Variants in SMURF1 observed in about 807,000 individuals in gnomAD.
The protein encoded by SMURF1 is E3 ubiquitin-protein ligase SMURF1.
A neutral mutation model predicts 98.0 loss-of-function variants in SMURF1; 44 were observed. That is an observed-to-expected ratio of 0.45 (90% CI 0.35 to 0.58). SMURF1 has a LOEUF of 0.58. Among genes scored for constraint, SMURF1 ranks in the 20% least tolerant of loss-of-function variants. The pLI, the probability that SMURF1 is intolerant of heterozygous loss-of-function variation, is 0.00. For synonymous variants in SMURF1, 396 were observed against 374.9 expected (o/e 1.06, Z -0.65); for missense variants, 687 against 938.4 (o/e 0.73, Z 3.50).
intron 1 of SMURF1, among the ~76,000 whole-genome samples, chr7:99,114,384 C>T (rs1483989600): frequency 2.6e-5 from 4 of 151,978 alleles, no homozygotes; most frequent in Non-Finnish European, 5.9e-5. Flanking sequence ...ATAAAACAGA[C>T]TTTAAGACAA....
intron 1 of SMURF1, among the ~76,000 whole-genome samples, chr7:99,097,012 A>G (rs1210166554): frequency 6.6e-6 from 1 of 152,200 alleles, no homozygotes; most frequent in Non-Finnish European, 1.5e-5. Context: ...GATAGTAGAC[A>G]TCACACTTCT....
At chr7:99,140,726 T>C (rs1168988729) in intron 1 of SMURF1, among the ~76,000 whole-genome samples, 1 of 152,136 alleles carries the variant, frequency 6.6e-6, no homozygotes, top group African/African-American at 2.4e-5. Context: ...ATCTTCACTA[T>C]CTTTGCACTG....
chr7:99,116,786 C>T (rs868290603), intron 1 of SMURF1, among the ~76,000 whole-genome samples: 4 of 152,170 alleles, frequency 2.6e-5, no homozygotes, highest in South Asian at 2.1e-4. Flanking sequence ...AATTAACCTA[C>T]AGATTCAAAG....
intron 1 of SMURF1, among the ~76,000 whole-genome samples, chr7:99,092,945 C>T (rs1347150538): frequency 2.6e-5 from 4 of 152,104 alleles, no homozygotes; most frequent in Admixed American, 2.6e-4. Flanking sequence ...ATAGAACACA[C>T]CTACTGAGAA....
At chr7:99,143,483 C>T (rs1675971848) in intron 1 of SMURF1, among the ~76,000 whole-genome samples, 1 of 108,338 alleles carries the variant, frequency 9.2e-6, no homozygotes, top group Non-Finnish European at 1.8e-5. Context: ...TGCGAGGGGG[C>T]AGGTGCGGGG....
At chr7:99,141,683 C>G (rs924043200) in intron 1 of SMURF1, among the ~76,000 whole-genome samples, 2 of 152,190 alleles carry the variant, frequency 1.3e-5, no homozygotes, top group Non-Finnish European at 2.9e-5. Context: ...ACAAAACCTT[C>G]TCTTAAGACA....
chr7:99,110,911 CA>C (rs1797304201), intron 1 of SMURF1, among the ~76,000 whole-genome samples: 5 of 152,166 alleles, frequency 3.3e-5, no homozygotes, highest in Admixed American at 2.6e-4. Flanking sequence ...TAGTACATGA[CA>C]AAAACAATAC....
rs1338932087 is a variant in SMURF1, at chr7:99,091,443, GTC to G, written c.56-29608_56-29607del. The stretch of plus-strand genomic sequence containing the variant: ...TAGAAAAATGATAGGAAACTTACAT[GTC>G]TCTCTCAGGGTCTGGGCATTCACAA... On this transcript the variant is annotated intron_variant, in intron 1 of 17. Coordinates refer to ENST00000361368, the MANE Select transcript of SMURF1 (RefSeq NM_181349.3). Among the ~76,000 whole-genome samples, 4 of 152,270 alleles carry G rather than the reference GTC, an allele frequency of 2.6e-5. No individual in the cohort carries two copies. The East Asian group carries it at 7.7e-4, about 29-fold the overall frequency.
chr7:99,038,878 G>A (rs1467737226), intron 13 of SMURF1, among the ~76,000 whole-genome samples: 4 of 152,106 alleles, frequency 2.6e-5, no homozygotes, highest in Admixed American at 2.0e-4. Flanking sequence ...AAATTGACCT[G>A]GAGATGAAGC....
At chr7:99,039,923 C>T (rs1795307262) in intron 13 of SMURF1, among the ~76,000 whole-genome samples, 1 of 152,146 alleles carries the variant, frequency 6.6e-6, no homozygotes, top group Admixed American at 6.6e-5. Context: ...TGTTTTGATA[C>T]TTGCTTGGCC....
chr7:99,074,897 C>A (rs760092953), intron 1 of SMURF1, among the ~76,000 whole-genome samples: 2 of 152,116 alleles, frequency 1.3e-5, no homozygotes, highest in Non-Finnish European at 2.9e-5. Flanking sequence ...TAAATAGACA[C>A]CTTACCAAAA....
intron 1 of SMURF1, among the ~76,000 whole-genome samples, chr7:99,121,551 C>G (rs1797622802): frequency 6.6e-6 from 1 of 152,140 alleles, no homozygotes; most frequent in African/African-American, 2.4e-5. Flanking sequence ...TCCTCCTCTT[C>G]TCCCCGCCCC....
intron 1 of SMURF1, among the ~76,000 whole-genome samples, chr7:99,096,444 A>C (rs1004499295): frequency 2.0e-5 from 3 of 152,238 alleles, no homozygotes; most frequent in African/African-American, 7.2e-5. Context: ...TCAGCATATA[A>C]AGAACCAGCG....
intron 1 of SMURF1, among the ~76,000 whole-genome samples, chr7:99,088,416 C>A (rs1796730986): frequency 6.6e-6 from 1 of 152,044 alleles, no homozygotes; most frequent in South Asian, 2.1e-4. Flanking sequence ...CGCTTCCAGG[C>A]CTAGTTCAAG....
chr7:99,093,595 A>C (rs546214377), intron 1 of SMURF1, among the ~76,000 whole-genome samples: 1 of 151,682 alleles, frequency 6.6e-6, no homozygotes, highest in East Asian at 1.9e-4. Context: ...TTGCAGTTTT[A>C]CGCCTATAAT....
chr7:99,042,282 T>A (rs1563001225), intron 11 of SMURF1, 50 bp from the exon 12 acceptor site: 18 of 443,334 alleles, frequency 4.1e-5, no homozygotes, highest in East Asian at 8.0e-5. Flanking sequence ...AATTTCTACA[T>A]TTTTTTTTTT....
At chr7:99,117,030 G>C (rs1187821488) in intron 1 of SMURF1, among the ~76,000 whole-genome samples, 1 of 151,828 alleles carries the variant, frequency 6.6e-6, no homozygotes, top group Non-Finnish European at 1.5e-5. Flanking sequence ...TGAGAGTCCA[G>C]AAATAAAGCC....
Position 99,033,001 on chromosome 7 carries a change from C to G in SMURF1, c.2096+36G>C, listed in dbSNP as rs201848022. The G allele has an allele frequency of 1.4e-5, 23 of 1,595,400 alleles. No individual in the cohort carries two copies. The East Asian group carries it at 5.2e-4, about 36-fold the overall frequency. ...GTGAACGTCAGCATCCTCTGGGGCTCCCAGGACGCCGTGACTTCCTGGCCG... is the reference window on the plus strand; with the variant it reads ...GTGAACGTCAGCATCCTCTGGGGCTGCCAGGACGCCGTGACTTCCTGGCCG... On this transcript the variant is annotated intron_variant, in intron 17 of 17. Coordinates refer to ENST00000361368, the MANE Select transcript of SMURF1 (RefSeq NM_181349.3).
intron 11 of SMURF1, among the ~76,000 whole-genome samples, chr7:99,042,436 G>T (rs1373722973): frequency 6.6e-6 from 1 of 152,132 alleles, no homozygotes; most frequent in Non-Finnish European, 1.5e-5. Context: ...ACCAGGCCCG[G>T]CTATTTTCTG....
Sources: allele counts gnomAD v4.1 joint callset (sites outside exome capture counted in the v4.1 genomes callset), GRCh38; gene constraint gnomAD v4.1.1; transcripts MANE v1.5; gene names NCBI Gene and HGNC (gene_info 2026-07-23, HGNC 2026-07-21).